KCNT2: variants seen among roughly 807,000 people sequenced by gnomAD.
KCNT2 encodes the protein potassium channel subfamily T member 2.
A neutral mutation model predicts 153.8 loss-of-function variants in KCNT2; 67 were observed. The observed-to-expected ratio is 0.44, with a 90% CI of 0.36 to 0.53. The LOEUF (loss-of-function observed/expected upper bound fraction) is 0.53, where lower values mean the gene tolerates loss of function less well. KCNT2 is among the 20% of genes least tolerant of loss of function. KCNT2 has a pLI of 0.00. For missense variants in KCNT2, 975 were observed against 1,354.8 expected (o/e 0.72, Z 4.40); for synonymous variants, 500 against 458.8 (o/e 1.09, Z -1.15).
chr1:196,490,335 G>A (rs1679764007), intron 2 of KCNT2, among the ~76,000 whole-genome samples: 1 of 151,152 alleles, frequency 6.6e-6, no homozygotes, highest in South Asian at 2.1e-4. Context: ...CACAAGCCAA[G>A]TTATAAAACT....
chr1:196,406,700 G>C (rs992661716), intron 12 of KCNT2, among the ~76,000 whole-genome samples: 3 of 151,372 alleles, frequency 2.0e-5, no homozygotes, highest in Non-Finnish European at 3.0e-5. Context: ...AGTTTCAGCA[G>C]AAGGGATTTA....
chr1:196,535,948 G>C lies in KCNT2; in HGVS notation c.96-43607C>G, dbSNP rs561783873. Among the ~76,000 whole-genome samples the C allele has an allele frequency of 1.2e-4, 18 of 152,298 alleles. 2 individuals carry two copies. The highest frequency in any genetic ancestry group is 4.3e-4 in the African/African-American group (18 of 41,568). ...CACACTGTGTCAGAAAGCCGCCTTG[G>C]CCTGCTCCTGACTAAAGTGAAACCA... On this transcript the variant is annotated intron_variant, in intron 1 of 27. Transcript: ENST00000294725.
At chr1:196,377,660 A>G (rs1407862182) in intron 13 of KCNT2, among the ~76,000 whole-genome samples, 3 of 152,050 alleles carry the variant, frequency 2.0e-5, no homozygotes, top group African/African-American at 7.2e-5. Flanking sequence ...TGCAAGCAGA[A>G]AGAGAAGGGA....
Position 196,258,015 on chromosome 1 carries a change from A to G in KCNT2, c.3211+179T>C, listed in dbSNP as rs1190906040. Reference sequence around the variant, plus strand: ...GACTCAGCAAACGCTGAAAATTTTTAGCATTTTATCTTATCATCATCATTT... The same window carrying G: ...GACTCAGCAAACGCTGAAAATTTTTGGCATTTTATCTTATCATCATCATTT... On this transcript the variant is annotated intron_variant, in intron 26 of 27. Coordinates refer to ENST00000294725, the MANE Select transcript of KCNT2 (RefSeq NM_198503.5). The G allele has an allele frequency of 2.1e-6, 3 of 1,409,684 alleles. No homozygotes were observed. The African/African-American group carries it at 4.3e-5, about 20-fold the overall frequency. 87.3% of individuals were successfully genotyped at this position (1,409,684 alleles called of 1,614,324 possible). A position where few individuals can be genotyped will look rare whatever the true frequency, so the allele number is the denominator to read the frequency against.
At position 196,551,807 on chromosome 1, in the gene KCNT2, T is replaced by C. The variant is rs189351400; in HGVS notation, c.95+56408A>G. ...ACATTCACTTACAGAATATCCACTG[T>C]GGGCTCATTTAGTTTTACCACACTC... On this transcript the variant is annotated intron_variant, in intron 1 of 27. Coordinates refer to ENST00000294725, the MANE Select transcript of KCNT2 (RefSeq NM_198503.5). 1.4e-4 allele frequency among the ~76,000 whole-genome samples: 21 copies of C among 151,746 alleles called. No homozygotes were observed. The East Asian group carries it at 4.1e-3, about 30-fold the overall frequency.
chr1:196,389,979 T>C (rs752506369), intron 13 of KCNT2, among the ~76,000 whole-genome samples: 4 of 151,590 alleles, frequency 2.6e-5, no homozygotes, highest in Non-Finnish European at 5.9e-5. Context: ...TCTTTGGTTG[T>C]TTTTAGCCTG....
At chr1:196,394,540 A>T (rs6428338) in intron 13 of KCNT2, among the ~76,000 whole-genome samples, 157 of 151,694 alleles carry the variant, frequency 1.0e-3, no homozygotes, top group African/African-American at 3.7e-3. Flanking sequence ...ATTTTTAGAC[A>T]TCTTAATTTT....
At chr1:196,275,987 T>C (rs979523054) in intron 25 of KCNT2, among the ~76,000 whole-genome samples, 3 of 152,084 alleles carry the variant, frequency 2.0e-5, no homozygotes, top group African/African-American at 7.2e-5. Flanking sequence ...TAATATCTCT[T>C]AATTCCCTCT....
chr1:196,342,419 ACTATAT>A (rs1484006979), intron 14 of KCNT2, among the ~76,000 whole-genome samples, 191 bp from the exon 15 acceptor site: 2 of 54,762 alleles, frequency 3.7e-5, no homozygotes, highest in African/African-American at 7.9e-5. Context: ...AATTTTGAAT[ACTATAT>A]ATATATATAT....
intron 1 of KCNT2, among the ~76,000 whole-genome samples, chr1:196,506,925 T>C (rs1377456899): frequency 1.3e-5 from 2 of 152,150 alleles, no homozygotes; most frequent in African/African-American, 4.8e-5. Flanking sequence ...CATTTCTCTA[T>C]AATAATATTC....
rs150388420 is a variant in KCNT2, at chr1:196,527,219, G to A, written c.96-34878C>T. 1.6e-3 allele frequency among the ~76,000 whole-genome samples: 250 copies of A among 152,206 alleles called. 3 individuals are homozygous for A. Among genetic ancestry groups the A allele is most frequent in the Non-Finnish European group, 1.7e-3 (115 of 67,994 alleles). On this transcript the variant is annotated intron_variant, in intron 1 of 27. Transcript: ENST00000294725. ...TATCTCAAATCTTCTTGTAGAAGAAGCAAAAGAGCGTTTGAAATGGCAAGT... is the reference window on the plus strand; with the variant it reads ...TATCTCAAATCTTCTTGTAGAAGAAACAAAAGAGCGTTTGAAATGGCAAGT...
intron 25 of KCNT2, among the ~76,000 whole-genome samples, chr1:196,266,815 C>A (rs757643800): frequency 6.6e-6 from 1 of 152,200 alleles, no homozygotes; most frequent in Non-Finnish European, 1.5e-5. Flanking sequence ...GGTGACACTA[C>A]TGACTCCTTT....
chr1:196,476,706 C>A (rs548907958), intron 5 of KCNT2, among the ~76,000 whole-genome samples: 4 of 152,258 alleles, frequency 2.6e-5, no homozygotes, highest in African/African-American at 9.6e-5. Context: ...TTCCAGCTTA[C>A]TTACTTCTTA....
chr1:196,235,945 C>T, intron 27 of KCNT2, 41 bp downstream of exon 27: 2 of 1,241,024 alleles, frequency 1.6e-6, no homozygotes, highest in Non-Finnish European at 2.3e-6. Flanking sequence ...TAGTAGTTTT[C>T]TAAAAATATC....
intron 13 of KCNT2, among the ~76,000 whole-genome samples, chr1:196,384,654 G>C (rs948006799): frequency 7.4e-6 from 1 of 135,782 alleles, no homozygotes; most frequent in Admixed American, 8.4e-5. Flanking sequence ...AGTGAGCTGA[G>C]ATCTTGCCAC....
At chr1:196,372,259 T>A (rs1273102426) in intron 14 of KCNT2, among the ~76,000 whole-genome samples, 1 of 151,948 alleles carries the variant, frequency 6.6e-6, no homozygotes, top group Non-Finnish European at 1.5e-5. Flanking sequence ...AATTAACAAC[T>A]TATCCATCTA....
chr1:196,511,395 C>T (rs992095585), intron 1 of KCNT2, among the ~76,000 whole-genome samples: 1 of 152,110 alleles, frequency 6.6e-6, no homozygotes, highest in South Asian at 2.1e-4. Context: ...AAACCAGGGT[C>T]CCTAAAGGCA....
intron 1 of KCNT2, among the ~76,000 whole-genome samples, chr1:196,522,475 C>T (rs1653565909): frequency 6.6e-6 from 1 of 152,184 alleles, no homozygotes; most frequent in African/African-American, 2.4e-5. Flanking sequence ...TGCTTCAACT[C>T]TTAAAATAAT....
intron 14 of KCNT2, among the ~76,000 whole-genome samples, chr1:196,365,946 T>C (rs1479204891): frequency 6.6e-6 from 1 of 152,160 alleles, no homozygotes; most frequent in Non-Finnish European, 1.5e-5. Flanking sequence ...AAAGTAATCC[T>C]GTGAGTTGAC....
Sources: gnomAD v4.1 joint callset for allele counts (sites outside exome capture counted in the v4.1 genomes callset) on GRCh38, gnomAD v4.1.1 for gene constraint, MANE v1.5 for transcripts, NCBI Gene and HGNC (gene_info 2026-07-23, HGNC 2026-07-21) for gene names.